SCAI: variants seen among roughly 807,000 people sequenced by gnomAD.
SCAI encodes the protein suppressor of cancer cell invasion.
Under a neutral mutation model 92.2 loss-of-function variants are expected in SCAI, and 24 were observed. The observed-to-expected ratio is 0.26, with a 90% CI of 0.19 to 0.37. The LOEUF (loss-of-function observed/expected upper bound fraction) is 0.37. Among genes scored for constraint, SCAI ranks in the 10% least tolerant of loss-of-function variants. The pLI, the probability that SCAI is intolerant of heterozygous loss-of-function variation, is 1.00. For synonymous variants in SCAI, 261 were observed against 258.6 expected (o/e 1.01, Z -0.09); for missense variants, 450 against 736.2 (o/e 0.61, Z 4.50).
Position 125,143,443 on chromosome 9 carries a change from T to C in SCAI, c.-6A>G. On this transcript the variant is annotated 5_prime_UTR_variant, in exon 1 of 18. Coordinates refer to ENST00000336505, the MANE Select transcript of SCAI (RefSeq NM_001144877.3). ...TGCCGGGCTCCTCTGACCATCCGGC[T>C]CCTGCTCCGCCGCGGGAGCTGCTCC... is the stretch of plus-strand genomic sequence containing the variant. The C allele has an allele frequency of 7.3e-7, 1 of 1,363,824 alleles. No homozygotes were observed. Among genetic ancestry groups the C allele is most frequent in the Non-Finnish European group, 9.5e-7 (1 of 1,055,760 alleles). 84.5% of individuals were successfully genotyped at this position (1,363,824 alleles called of 1,614,324 possible).
At chr9:125,017,881 C>A (rs1484747929) in intron 9 of SCAI, among the ~76,000 whole-genome samples, 1 of 151,620 alleles carries the variant, frequency 6.6e-6, no homozygotes, top group Admixed American at 6.6e-5. Context: ...GTGGTATGTG[C>A]CTGTAATCCC....
chr9:124,981,960 T>A (rs1460410661), intron 14 of SCAI, among the ~76,000 whole-genome samples: 1 of 152,222 alleles, frequency 6.6e-6, no homozygotes, highest in Non-Finnish European at 1.5e-5. Context: ...TTCCTTTACC[T>A]AATCTTCATG....
chr9:125,131,790 C>T (rs1001793068), intron 2 of SCAI, among the ~76,000 whole-genome samples: 2 of 152,170 alleles, frequency 1.3e-5, no homozygotes, highest in African/African-American at 4.8e-5. Context: ...GGCAAACCTA[C>T]CATGAGCTCT....
chr9:125,085,347 C>T (rs758264894), intron 2 of SCAI, among the ~76,000 whole-genome samples: 1 of 152,012 alleles, frequency 6.6e-6, no homozygotes, highest in African/African-American at 2.4e-5. Context: ...ATTAGCCTTG[C>T]GTGGTGGCGT....
intron 2 of SCAI, among the ~76,000 whole-genome samples, chr9:125,083,774 G>A (rs901530407): frequency 6.6e-6 from 1 of 152,112 alleles, no homozygotes; most frequent in African/African-American, 2.4e-5. Flanking sequence ...TGAAAAAGCA[G>A]TGAAAGAAAT....
intron 3 of SCAI, among the ~76,000 whole-genome samples, chr9:125,052,215 AATG>A (rs761870083): frequency 4.6e-5 from 7 of 152,222 alleles, no homozygotes; most frequent in Admixed American, 2.6e-4. Flanking sequence ...GAAAGAAAAG[AATG>A]ATAAGTTTAA....
chr9:125,032,388 C>T (rs1336885967), intron 3 of SCAI, among the ~76,000 whole-genome samples: 4 of 150,976 alleles, frequency 2.6e-5, no homozygotes, highest in Admixed American at 6.6e-5. Flanking sequence ...GACGGGGTTT[C>T]GCCATGTTGG....
chr9:124,979,080 T>C (rs1462182391), intron 14 of SCAI, among the ~76,000 whole-genome samples: 7 of 151,762 alleles, frequency 4.6e-5, no homozygotes, highest in Non-Finnish European at 8.8e-5. Flanking sequence ...AGGCTGGTCT[T>C]GAACTCCTGA....
chr9:125,006,505 C>T (rs4838240), intron 9 of SCAI, among the ~76,000 whole-genome samples: 94,282 of 151,818 alleles, frequency 0.62, 29,630 homozygotes, highest in Admixed American at 0.66. Flanking sequence ...TTCATTCATT[C>T]ATTTGAGACG....
Position 125,091,937 on chromosome 9 carries a change from C to T in SCAI, c.99-35930G>A, listed in dbSNP as rs567916642. Among the ~76,000 whole-genome samples the T allele has an allele frequency of 4.0e-5, 6 of 151,870 alleles. No homozygotes were observed. In the South Asian group the frequency reaches 1.2e-3, roughly 32 times the overall value. ...CCATCCTGGCTAACACGATGAAACC[C>T]CGTCTCTACCAAAAATAAAAAAATA... On this transcript the variant is annotated intron_variant, in intron 2 of 17. Transcript: ENST00000336505. The surrounding 1 kb of genome is among the most constrained non-coding windows in gnomAD (Gnocchi z 4.3).
chr9:125,085,770 A>C (rs929178068), intron 2 of SCAI, among the ~76,000 whole-genome samples: 5 of 152,180 alleles, frequency 3.3e-5, no homozygotes, highest in African/African-American at 1.2e-4. Context: ...TTGTCTCAAA[A>C]TATATATGAT....
intron 6 of SCAI, among the ~76,000 whole-genome samples, chr9:125,022,651 C>T (rs1188714468): frequency 6.6e-6 from 1 of 152,094 alleles, no homozygotes; most frequent in Non-Finnish European, 1.5e-5. Context: ...CTCCTGGCCG[C>T]AAGCAATCTT....
intron 2 of SCAI, among the ~76,000 whole-genome samples, chr9:125,121,103 T>G (rs191849245): frequency 3.3e-5 from 5 of 152,092 alleles, no homozygotes; most frequent in Admixed American, 6.6e-5. Context: ...TTCTCATTTT[T>G]AATAAAATTC....
chr9:125,069,894 T>G (rs1278498091), intron 2 of SCAI, among the ~76,000 whole-genome samples: 1 of 151,984 alleles, frequency 6.6e-6, no homozygotes, highest in Non-Finnish European at 1.5e-5. Flanking sequence ...AGTGCTGAGG[T>G]TACAGGCGTG....
chr9:125,011,858 G>A (rs7850698), intron 9 of SCAI, among the ~76,000 whole-genome samples: 2,545 of 152,332 alleles, frequency 0.017, 74 homozygotes, highest in African/African-American at 0.059. Context: ...CAAGCCAGAA[G>A]AGAGTGGGGG....
At chr9:125,013,315 C>A (rs376137464) in intron 9 of SCAI, among the ~76,000 whole-genome samples, 1 of 152,150 alleles carries the variant, frequency 6.6e-6, no homozygotes, top group African/African-American at 2.4e-5. Context: ...AGAGAAGAAT[C>A]AAATAGACGC....
chr9:125,115,370 CAAAAAAAAAAA>C (rs58814200), intron 2 of SCAI, among the ~76,000 whole-genome samples: 3 of 52,424 alleles, frequency 5.7e-5, no homozygotes, highest in Non-Finnish European at 1.0e-4. Flanking sequence ...AGACTCTCCT[CAAAAAAAAAAA>C]AAAAAAAAAA....
At chr9:125,010,060 T>C (rs1257470442) in intron 9 of SCAI, among the ~76,000 whole-genome samples, 1 of 152,182 alleles carries the variant, frequency 6.6e-6, no homozygotes, top group Non-Finnish European at 1.5e-5. Context: ...GGAGCCAAGA[T>C]GGCCGAATAG....
At chr9:125,072,263 C>A (rs1233227673) in intron 2 of SCAI, among the ~76,000 whole-genome samples, 1 of 152,118 alleles carries the variant, frequency 6.6e-6, no homozygotes, top group Non-Finnish European at 1.5e-5. Flanking sequence ...ACCTCATGAT[C>A]CGCCCACCTT....
Sources: allele counts gnomAD v4.1 joint callset (sites outside exome capture counted in the v4.1 genomes callset), GRCh38; gene constraint gnomAD v4.1.1; non-coding constraint Gnocchi (gnomAD v3.1); transcripts MANE v1.5; gene names NCBI Gene and HGNC (gene_info 2026-07-23, HGNC 2026-07-21).